KLHL8: variants seen among roughly 807,000 people sequenced by gnomAD.
The protein encoded by KLHL8 is kelch like family member 8.
In KLHL8, 38 loss-of-function variants were observed where a neutral mutation model predicts 63.5. The ratio of observed to expected loss-of-function variants is 0.60; its 90% CI spans 0.46 to 0.78. KLHL8 has a LOEUF of 0.78. Among genes scored for constraint, KLHL8 ranks in the 30% least tolerant of loss-of-function variants. The pLI is 0.00. For missense variants in KLHL8, 566 were observed against 752.4 expected, an observed-to-expected ratio of 0.75 and a Z score of 2.90; for synonymous variants, 224 against 254.3, an observed-to-expected ratio of 0.88 and a Z score of 1.13.
At chr4:87,198,673 T>C (rs954122399) in intron 1 of KLHL8, among the ~76,000 whole-genome samples, 6 of 151,764 alleles carry the variant, frequency 4.0e-5, no homozygotes, top group African/African-American at 1.5e-4. Flanking sequence ...AGGAGAGGAG[T>C]AGCTGTGGCT....
intron 1 of KLHL8, among the ~76,000 whole-genome samples, chr4:87,232,811 T>C (rs907179276): frequency 6.6e-6 from 1 of 152,214 alleles, no homozygotes; most frequent in Non-Finnish European, 1.5e-5. Flanking sequence ...ATATGTTTAA[T>C]ATATTTATTA....
chr4:87,217,980 T>C (rs985757428), intron 1 of KLHL8, among the ~76,000 whole-genome samples: 4 of 152,288 alleles, frequency 2.6e-5, no homozygotes, highest in South Asian at 2.1e-4. Context: ...AAGTTCTTGA[T>C]AAAAACAAAA....
intron 6 of KLHL8, 109 bp from the exon 7 acceptor site, chr4:87,170,724 G>A (rs1177049325): frequency 1.1e-6 from 1 of 927,318 alleles, no homozygotes; most frequent in Non-Finnish European, 1.6e-6. Flanking sequence ...CCTTCAAACA[G>A]TATAGTTTGT....
rs562367501 is a variant in KLHL8 at position 87,220,517 on chromosome 4, C to G, written c.-251G>C. The G allele has an allele frequency of 2.6e-5, 4 of 152,182 alleles. No individual in the cohort carries two copies. Among genetic ancestry groups the G allele is most frequent in the Non-Finnish European group, 5.9e-5 (4 of 68,052 alleles). 9.4% of individuals were successfully genotyped at this position (152,182 alleles called of 1,614,324 possible). A position where few individuals can be genotyped will look rare whatever the true frequency, so the allele number is the denominator to read the frequency against. On this transcript the variant is annotated 5_prime_UTR_variant, in exon 1 of 10. Transcript: ENST00000273963. The stretch of plus-strand genomic sequence containing the variant: ...GCCCTCAGCGGAACCTCACCAACCC[C>G]GCGCGAGCACCCGGCGGACGCGCGC...
intron 1 of KLHL8, among the ~76,000 whole-genome samples, chr4:87,212,671 T>C (rs559822618): frequency 2.0e-5 from 3 of 152,366 alleles, no homozygotes; most frequent in Admixed American, 2.0e-4. Context: ...CAATAGATGA[T>C]GATGGTGACC....
At chr4:87,165,279 A>G (rs1167385309) in intron 8 of KLHL8, among the ~76,000 whole-genome samples, 1 of 152,084 alleles carries the variant, frequency 6.6e-6, no homozygotes, top group Admixed American at 6.5e-5. Context: ...ATGAATTCTG[A>G]CAAATGTATA....
chr4:87,168,142 C>T (rs984236125), intron 8 of KLHL8, among the ~76,000 whole-genome samples: 1 of 152,178 alleles, frequency 6.6e-6, no homozygotes, highest in African/African-American at 2.4e-5. Context: ...CCTAGTTAGA[C>T]TTTCAACTAC....
At chr4:87,198,472 A>C (rs1455646711) in intron 1 of KLHL8, among the ~76,000 whole-genome samples, 1 of 152,252 alleles carries the variant, frequency 6.6e-6, no homozygotes, top group Admixed American at 6.5e-5. Flanking sequence ...TTAAAGGCAG[A>C]GACTCAGGAA....
At chr4:87,220,934 G>A (rs930361691), upstream of KLHL8, 2 of 152,152 alleles carry the variant, frequency 1.3e-5, no homozygotes, top group African/African-American at 4.8e-5. Context: ...GTGTTCCTGG[G>A]ATTTATGTCT....
intron 4 of KLHL8, among the ~76,000 whole-genome samples, chr4:87,179,784 AAAT>A (rs1264984713): frequency 6.6e-6 from 1 of 152,138 alleles, no homozygotes; most frequent in Non-Finnish European, 1.5e-5. Context: ...CTCTAAAAAT[AAAT>A]AAGACAAAAA....
Position 87,167,058 on chromosome 4 carries a change from T to C in KLHL8, c.1538-2979A>G, listed in dbSNP as rs543988966. ...ACGAGGCTGTGGCCCTACTCAAGACTCATGGCCTGTAACATGTCCATGGGC... is the reference window on the plus strand; with the variant it reads ...ACGAGGCTGTGGCCCTACTCAAGACCCATGGCCTGTAACATGTCCATGGGC... On this transcript the variant is annotated intron_variant, in intron 8 of 9. Coordinates refer to ENST00000273963, the MANE Select transcript of KLHL8 (RefSeq NM_020803.5). 86 of 316,674 alleles carry C rather than the reference T, an allele frequency of 2.7e-4. 1 individual carries two copies. Among genetic ancestry groups the C allele is most frequent in the Middle Eastern group, 2.1e-3 (2 of 944 alleles). The allele number at this position is 316,674 out of a possible 1,614,324, so 19.6% of individuals were successfully genotyped here.
intron 8 of KLHL8, among the ~76,000 whole-genome samples, 181 bp downstream of exon 8, chr4:87,169,898 A>T (rs904146249): frequency 1.3e-5 from 2 of 152,100 alleles, no homozygotes; most frequent in Non-Finnish European, 2.9e-5. Context: ...ATTCAAAAGC[A>T]TCAGACTGAA....
intron 5 of KLHL8, among the ~76,000 whole-genome samples, chr4:87,177,245 T>C (rs1730859246): frequency 6.6e-6 from 1 of 152,150 alleles, no homozygotes; most frequent in East Asian, 1.9e-4. Flanking sequence ...CTGGGCATGG[T>C]GGATCATGCC....
upstream of KLHL8, among the ~76,000 whole-genome samples, chr4:87,223,426 TATC>T (rs1019637892): frequency 1.3e-5 from 2 of 152,218 alleles, no homozygotes; most frequent in Non-Finnish European, 2.9e-5. Context: ...TCAATATTAT[TATC>T]ATCTATTTAT....
At chr4:87,214,415 G>GAGAGATAT (rs1732512148) in intron 1 of KLHL8, among the ~76,000 whole-genome samples, 1 of 93,110 alleles carries the variant, frequency 1.1e-5, no homozygotes, top group Admixed American at 1.2e-4. Flanking sequence ...GCACATAACA[G>GAGAGATAT]ATATATATAT....
chr4:87,185,208 C>T (rs962373823), intron 3 of KLHL8, 43 bp downstream of exon 3: 12 of 1,498,846 alleles, frequency 8.0e-6, no homozygotes, highest in African/African-American at 1.4e-5. Flanking sequence ...GATTTGCTTC[C>T]ATATCACTTC....
At position 87,201,348 on chromosome 4, in the gene KLHL8, T is replaced by C. The variant is rs189344888; in HGVS notation, c.-151-5658A>G. Reference sequence around the variant, plus strand: ...AGACATAGTATAGTCTAAATGTGCATACACCTAACTTCAAATCTTCAAATC... The same window carrying C: ...AGACATAGTATAGTCTAAATGTGCACACACCTAACTTCAAATCTTCAAATC... On this transcript the variant is annotated intron_variant, in intron 1 of 9. Transcript: ENST00000273963. Among the ~76,000 whole-genome samples the C allele has an allele frequency of 5.9e-5, 9 of 152,318 alleles. No homozygotes were observed. The East Asian group carries it at 1.3e-3, about 23-fold the overall frequency.
At position 87,185,438 on chromosome 4, in the gene KLHL8, C is replaced by G; in HGVS notation, c.578G>C (p.Cys193Ser). The stretch of plus-strand genomic sequence containing the variant: ...CTCCACTACTTCAGTAAAATGGTCA[C>G]AGGCATACTGATCCGCCATGTCCAT... ...DLMDMADQYA[C>S]DHFTEVVECE... Residue 193 changes from cysteine to serine, a missense_variant, in exon 3 of 10, where the codon TGT becomes TCT. Cys to Ser is a moderately radical substitution (Grantham distance 112, BLOSUM62 -1). Transcript: ENST00000273963. The G allele has an allele frequency of 6.2e-7, 1 of 1,614,202 alleles. No homozygotes were observed. The highest frequency in any genetic ancestry group is 8.5e-7 in the Non-Finnish European group (1 of 1,180,038).
chr4:87,195,186 A>T, intron 2 of KLHL8, 138 bp downstream of exon 2: 1 of 635,554 alleles, frequency 1.6e-6, no homozygotes, highest in East Asian at 2.7e-5. Flanking sequence ...TACACTAAAA[A>T]AAAAGATTGA....
Sources: gnomAD v4.1 joint callset for allele counts (sites outside exome capture counted in the v4.1 genomes callset) on GRCh38, gnomAD v4.1.1 for gene constraint, MANE v1.5 for transcripts, NCBI Gene and HGNC (gene_info 2026-07-23, HGNC 2026-07-21) for gene names.